Variants in DNAAF11 observed in about 807,000 individuals in gnomAD.
The protein encoded by DNAAF11 is leucine rich repeat containing 6.
A neutral mutation model predicts 60.8 loss-of-function variants in DNAAF11; 45 were observed. The ratio of observed to expected loss-of-function variants is 0.74; its 90% CI spans 0.58 to 0.95. The LOEUF is 0.95. DNAAF11 is among the 40% of genes least tolerant of loss of function. The probability of loss-of-function intolerance (pLI) is 0.00; values close to 1 mark genes in which losing one functional copy is unlikely to be tolerated. For missense variants in DNAAF11, 546 were observed against 546.2 expected (o/e 1.00, Z 0.00); for synonymous variants, 191 against 183.5 (o/e 1.04, Z -0.33).
the DNAAF11 span, among the ~76,000 whole-genome samples, chr8:132,697,290 A>G: frequency 1.3e-5 from 2 of 152,210 alleles, no homozygotes; most frequent in African/African-American, 4.8e-5. Context: ...TAAATTGTAT[A>G]CTTGAAACAA....
chr8:132,598,077 C>T (rs1228862222), intron 10 of DNAAF11, among the ~76,000 whole-genome samples: 1 of 152,110 alleles, frequency 6.6e-6, no homozygotes, highest in Non-Finnish European at 1.5e-5. Context: ...TGATTTAAGG[C>T]AACATCAGAA....
chr8:132,624,193 G>A (rs1820030916), intron 6 of DNAAF11, among the ~76,000 whole-genome samples: 2 of 152,058 alleles, frequency 1.3e-5, no homozygotes, highest in Non-Finnish European at 2.9e-5. Flanking sequence ...CATTTCAAAG[G>A]GCTCTTGAGT....
chr8:132,677,484 C>T (rs1296392414), upstream of DNAAF11, among the ~76,000 whole-genome samples: 2 of 152,000 alleles, frequency 1.3e-5, no homozygotes, highest in African/African-American at 4.8e-5. Context: ...ACAAAGGGAG[C>T]CACTCCAGAA....
intron 1 of DNAAF11, among the ~76,000 whole-genome samples, chr8:132,673,947 A>G (rs1408447605): frequency 6.6e-6 from 1 of 152,192 alleles, no homozygotes; most frequent in Non-Finnish European, 1.5e-5. Context: ...CAAAGTGGGC[A>G]CGACTCAGAG....
chr8:132,679,199 A>C (rs1172941565), upstream of DNAAF11, among the ~76,000 whole-genome samples: 1 of 152,172 alleles, frequency 6.6e-6, no homozygotes, highest in Non-Finnish European at 1.5e-5. Flanking sequence ...TTAGACTGAG[A>C]GCTACTCGAG....
Position 132,570,675 on chromosome 8 carries a change from C to T in DNAAF11, c.*1631G>A, listed in dbSNP as rs146581880. ...GTTATACTCAGTCATTGCCATCAGT[C>T]GCAGTGATGGACAGATGCAGAGGGA... On this transcript the variant is annotated 3_prime_UTR_variant, in exon 12 of 12. Transcript: ENST00000620350. Among the ~76,000 whole-genome samples, 16 of 152,276 alleles carry T rather than the reference C, an allele frequency of 1.1e-4. No individual in the cohort carries two copies. In the East Asian group the frequency reaches 2.5e-3, roughly 24 times the overall value.
At position 132,674,232 on chromosome 8, in the gene DNAAF11, A is replaced by G. The variant is rs540296447; in HGVS notation, c.10+1252T>C. Reference sequence around the variant, plus strand: ...GAAGGAGGAGGAGGAGAAGGAGAAGAAGAAAAAAACCAACTAGGGTGAGAC... The same window carrying G: ...GAAGGAGGAGGAGGAGAAGGAGAAGGAGAAAAAAACCAACTAGGGTGAGAC... On this transcript the variant is annotated intron_variant, in intron 1 of 11. Coordinates refer to ENST00000620350, the MANE Select transcript of DNAAF11 (RefSeq NM_012472.6). Among the ~76,000 whole-genome samples, 122 of 149,098 alleles carry G rather than the reference A, an allele frequency of 8.2e-4. 2 individuals carry two copies. Among genetic ancestry groups the G allele is most frequent in the African/African-American group, 2.9e-3 (115 of 39,850 alleles).
chr8:132,662,425 G>C (rs1824228309), intron 1 of DNAAF11, among the ~76,000 whole-genome samples: 1 of 152,158 alleles, frequency 6.6e-6, no homozygotes, highest in African/African-American at 2.4e-5. Context: ...AACCAAAAAG[G>C]TAATGACAAG....
intron 2 of DNAAF11, among the ~76,000 whole-genome samples, chr8:132,657,217 CAGGAACCT>C (rs753674261): frequency 6.6e-6 from 1 of 152,108 alleles, no homozygotes; most frequent in Non-Finnish European, 1.5e-5. Context: ...AGTGGTGGCT[CAGGAACCT>C]AGGTTTAAGC....
rs576874415 is a variant in DNAAF11, at chr8:132,619,097, A to G, written c.914+3514T>C. On this transcript the variant is annotated intron_variant, in intron 7 of 11. Coordinates refer to ENST00000620350, the MANE Select transcript of DNAAF11 (RefSeq NM_012472.6). ...GATTAAGAAAATATGGCACATATAC[A>G]CCATGGAATACTATGCAGCCATAAA... Among the ~76,000 whole-genome samples the G allele has an allele frequency of 1.2e-4, 18 of 152,318 alleles. No individual in the cohort carries two copies. In the South Asian group the frequency reaches 3.7e-3, roughly 32 times the overall value.
the DNAAF11 span, among the ~76,000 whole-genome samples, chr8:132,687,283 G>A: frequency 6.6e-5 from 10 of 152,156 alleles, no homozygotes; most frequent in Non-Finnish European, 1.5e-4. Flanking sequence ...TATCAGAATG[G>A]AAATGATTCA....
chr8:132,690,638 T>C, the DNAAF11 span, among the ~76,000 whole-genome samples: 2 of 152,216 alleles, frequency 1.3e-5, no homozygotes, highest in Non-Finnish European at 2.9e-5. Context: ...CATTACCTAA[T>C]GTCAGTTTTG....
intron 3 of DNAAF11, among the ~76,000 whole-genome samples, chr8:132,649,265 G>A (rs1403170969): frequency 6.6e-6 from 1 of 152,100 alleles, no homozygotes; most frequent in East Asian, 1.9e-4. Flanking sequence ...CAAGAAATGG[G>A]GAAAGGATTC....
rs71306394 is a variant in DNAAF11 at position 132,595,348 on chromosome 8, G to GAAAAAAAAAA, written c.1141-11579_1141-11570dup. ...TCCCGAAAGAGAGAGAGACAGAGGGGAAAAAAAAAAAAAAAAAAAAAAAAA... is the reference window on the plus strand; with the variant it reads ...TCCCGAAAGAGAGAGAGACAGAGGGGAAAAAAAAAAAAAAAAAAAAAAAAAAAAAAAAAAA... On this transcript the variant is annotated intron_variant, in intron 10 of 11. Transcript: ENST00000620350. Among the ~76,000 whole-genome samples, 59 of 57,450 alleles carry GAAAAAAAAAA rather than the reference G, an allele frequency of 1.0e-3. 4 individuals carry two copies. The highest frequency in any genetic ancestry group is 6.3e-3 in the African/African-American group (56 of 8,960). 37.7% of individuals were successfully genotyped at this position (57,450 alleles called of 152,430 possible). A position where few individuals can be genotyped will look rare whatever the true frequency, so the allele number is the denominator to read the frequency against.
At chr8:132,616,584 T>C (rs963704906) in intron 7 of DNAAF11, among the ~76,000 whole-genome samples, 1 of 152,110 alleles carries the variant, frequency 6.6e-6, no homozygotes, top group Non-Finnish European at 1.5e-5. Flanking sequence ...GTTACTGAGA[T>C]GGAGAACACA....
intron 7 of DNAAF11, among the ~76,000 whole-genome samples, chr8:132,618,921 C>T (rs1935897717): frequency 6.6e-6 from 1 of 151,912 alleles, no homozygotes. Context: ...CTAGAAATAC[C>T]ATGTGACCCA....
chr8:132,701,536 G>T, the DNAAF11 span, among the ~76,000 whole-genome samples: 1 of 152,170 alleles, frequency 6.6e-6, no homozygotes, highest in African/African-American at 2.4e-5. Context: ...TCTTGACTGT[G>T]AGCTCCTGAG....
chr8:132,591,419 A>T (rs966969675), intron 10 of DNAAF11, among the ~76,000 whole-genome samples: 1 of 151,602 alleles, frequency 6.6e-6, no homozygotes, highest in East Asian at 1.9e-4. Flanking sequence ...AAGCCATAAA[A>T]TTTTTTTAAA....
At chr8:132,673,271 T>TA (rs1563724281) in intron 1 of DNAAF11, among the ~76,000 whole-genome samples, 1 of 152,040 alleles carries the variant, frequency 6.6e-6, no homozygotes, top group East Asian at 1.9e-4. Context: ...ACCAAAGAAA[T>TA]AGAGATGTCA....
Sources: allele counts gnomAD v4.1 joint callset (sites outside exome capture counted in the v4.1 genomes callset), GRCh38; gene constraint gnomAD v4.1.1; transcripts MANE v1.5; gene names NCBI Gene and HGNC (gene_info 2026-07-23, HGNC 2026-07-21).